The following ITPR1 variants were observed in gnomAD, a reference collection of about 807,000 sequenced individuals.
ITPR1 encodes inositol 1,4,5-trisphosphate-gated calcium channel ITPR1.
A neutral mutation model predicts 318.4 loss-of-function variants in ITPR1; 96 were observed. The ratio of observed to expected loss-of-function variants is 0.30; its 90% CI spans 0.26 to 0.36. The LOEUF (loss-of-function observed/expected upper bound fraction) is 0.36, where lower values mean the gene tolerates loss of function less well. ITPR1 is among the 10% of genes least tolerant of loss of function. The pLI, the probability that ITPR1 is intolerant of heterozygous loss-of-function variation, is 1.00. For synonymous variants in ITPR1, 1,312 were observed against 1,289.9 expected (o/e 1.02, Z -0.37); for missense variants, 2,440 against 3,460.2 (o/e 0.71, Z 7.40).
intron 46 of ITPR1, among the ~76,000 whole-genome samples, chr3:4,773,182 G>A (rs891521069): frequency 2.6e-5 from 4 of 152,164 alleles, no homozygotes; most frequent in Non-Finnish European, 5.9e-5. Context: ...CTCAGGGGTC[G>A]GAGGAGCTTC....
intron 25 of ITPR1, among the ~76,000 whole-genome samples, chr3:4,681,074 G>A (rs1392566821): frequency 1.3e-5 from 2 of 152,134 alleles, no homozygotes; most frequent in South Asian, 2.1e-4. Flanking sequence ...TAGTGGTGAC[G>A]GGAGATGGTA....
intron 23 of ITPR1, among the ~76,000 whole-genome samples, chr3:4,676,249 G>A (rs958729478): frequency 1.3e-5 from 2 of 151,986 alleles, no homozygotes; most frequent in African/African-American, 4.8e-5. Context: ...AGACGTTGAG[G>A]CAGGAAGATT....
At chr3:4,556,816 T>C (rs941489519) in intron 4 of ITPR1, among the ~76,000 whole-genome samples, 15 of 152,186 alleles carry the variant, frequency 9.9e-5, no homozygotes, top group Non-Finnish European at 2.2e-4. Context: ...TTTCAGCTTA[T>C]TTGAGTAAAT....
chr3:4,707,450 C>T (rs938738121), intron 37 of ITPR1, among the ~76,000 whole-genome samples: 2 of 152,166 alleles, frequency 1.3e-5, no homozygotes, highest in African/African-American at 4.8e-5. Context: ...CACATCATGG[C>T]GGCTGTGTCC....
chr3:4,842,147 A>T (rs1016777143), intron 61 of ITPR1, among the ~76,000 whole-genome samples: 6 of 152,228 alleles, frequency 3.9e-5, no homozygotes, highest in Non-Finnish European at 8.8e-5. Context: ...AAATTTGCCC[A>T]TTTCTACTGT....
At chr3:4,559,210 A>G (rs1682761242) in intron 4 of ITPR1, among the ~76,000 whole-genome samples, 1 of 151,906 alleles carries the variant, frequency 6.6e-6, no homozygotes, top group Admixed American at 6.6e-5. Flanking sequence ...GTTCCAAACA[A>G]AGCCCCCTCT....
chr3:4,582,894 CT>C (rs1275093759), intron 4 of ITPR1, among the ~76,000 whole-genome samples: 1 of 152,170 alleles, frequency 6.6e-6, no homozygotes, highest in East Asian at 1.9e-4. Context: ...TATGTCTGTG[CT>C]CTTTGGGCTG....
At chr3:4,693,890 T>C in intron 33 of ITPR1, 149 bp downstream of exon 33, 1 of 788,170 alleles carries the variant, frequency 1.3e-6, no homozygotes, top group Non-Finnish European at 2.0e-6. Flanking sequence ...TTCAGTTCCC[T>C]AAAACATTTT....
chr3:4,755,481 C>G (rs1004342715), intron 44 of ITPR1, among the ~76,000 whole-genome samples: 28 of 151,452 alleles, frequency 1.8e-4, no homozygotes, highest in Non-Finnish European at 3.5e-4. Flanking sequence ...TCAAGCAGTC[C>G]TTCCACCTTG....
intron 30 of ITPR1, among the ~76,000 whole-genome samples, chr3:4,685,533 A>C (rs183585698): frequency 2.8e-4 from 43 of 152,320 alleles, no homozygotes; most frequent in Non-Finnish European, 5.6e-4. Context: ...GGTGTGTTTC[A>C]ATTTCATTTG....
intron 20 of ITPR1, 64 bp from the exon 21 acceptor site, chr3:4,673,072 G>C (rs1230890775): frequency 1.3e-6 from 2 of 1,544,896 alleles, no homozygotes; most frequent in Admixed American, 3.5e-5. Context: ...CTGCCCAGAC[G>C]ACCCTTCATT....
intron 4 of ITPR1, among the ~76,000 whole-genome samples, chr3:4,567,519 A>T (rs1345086230): frequency 6.6e-6 from 1 of 152,212 alleles, no homozygotes; most frequent in African/African-American, 2.4e-5. Flanking sequence ...TAGGCGAATG[A>T]AGATGACAGT....
intron 2 of ITPR1, among the ~76,000 whole-genome samples, chr3:4,506,600 G>A (rs540501643): frequency 1.3e-5 from 2 of 152,196 alleles, no homozygotes; most frequent in Admixed American, 6.5e-5. Flanking sequence ...TAGGTATCAC[G>A]GGAGCAGGGA....
At position 4,634,741 on chromosome 3, in the gene ITPR1, A is replaced by G. The variant is rs565535796; in HGVS notation, c.280-4643A>G. On this transcript the variant is annotated intron_variant, in intron 5 of 61. Coordinates refer to ENST00000649015, the MANE Select transcript of ITPR1 (RefSeq NM_001378452.1). ...TTCCTGTGTCTCCACATTTTAAAGTATCAACAGGAGTGTGCTATTCACTTC... is the reference window on the plus strand; with the variant it reads ...TTCCTGTGTCTCCACATTTTAAAGTGTCAACAGGAGTGTGCTATTCACTTC... Among the ~76,000 whole-genome samples the G allele has an allele frequency of 2.0e-5, 3 of 152,272 alleles. No individual in the cohort carries two copies. The South Asian group carries it at 6.2e-4, about 32-fold the overall frequency.
intron 36 of ITPR1, among the ~76,000 whole-genome samples, chr3:4,703,947 A>G (rs1243836449): frequency 3.9e-5 from 6 of 152,204 alleles, no homozygotes. Flanking sequence ...ATAACCCTAT[A>G]CTTTTTCCAT....
chr3:4,512,691 T>A (rs968102827), intron 2 of ITPR1, among the ~76,000 whole-genome samples: 2 of 152,150 alleles, frequency 1.3e-5, no homozygotes, highest in Non-Finnish European at 2.9e-5. Flanking sequence ...ATAACTAGCA[T>A]AGATTAATTC....
At chr3:4,792,217 A>G (rs567153698) in intron 52 of ITPR1, among the ~76,000 whole-genome samples, 2 of 152,012 alleles carry the variant, frequency 1.3e-5, no homozygotes, top group African/African-American at 2.4e-5. Context: ...ATCCAAGACA[A>G]CCTCCCCACC....
intron 32 of ITPR1, among the ~76,000 whole-genome samples, chr3:4,692,502 A>G (rs2094496007): frequency 6.6e-6 from 1 of 152,252 alleles, no homozygotes; most frequent in African/African-American, 2.4e-5. Flanking sequence ...AAGTTTGTCT[A>G]AAGAGTTTAT....
chr3:4,822,097 C>A (rs564252306), intron 60 of ITPR1, among the ~76,000 whole-genome samples: 1 of 152,176 alleles, frequency 6.6e-6, no homozygotes, highest in African/African-American at 2.4e-5. Context: ...GGGCAAGTCA[C>A]GGGACTTTGC....
Sources: gnomAD v4.1 joint callset for allele counts (sites outside exome capture counted in the v4.1 genomes callset) on GRCh38, gnomAD v4.1.1 for gene constraint, MANE v1.5 for transcripts, NCBI Gene and HGNC (gene_info 2026-07-23, HGNC 2026-07-21) for gene names.